Variants in ORMDL1 observed in about 807,000 individuals in gnomAD.
The protein encoded by ORMDL1 is ORM1-like protein 1.
ORMDL1 carries 10 observed loss-of-function variants against 13.0 expected under a neutral mutation model. The ratio of observed to expected loss-of-function variants is 0.77; its 90% CI spans 0.47 to 1.30. The LOEUF is 1.30. ORMDL1 is among the 50% of genes most tolerant of loss of function. The pLI, the probability that ORMDL1 is intolerant of heterozygous loss-of-function variation, is 0.00. For synonymous variants in ORMDL1, 61 were observed against 63.9 expected, an observed-to-expected ratio of 0.95 and a Z score of 0.22; for missense variants, 171 against 186.7, an observed-to-expected ratio of 0.92 and a Z score of 0.49.
intron 2 of ORMDL1, 149 bp downstream of exon 2, chr2:189,782,865 G>A (rs2047901712): frequency 3.0e-6 from 1 of 330,672 alleles, no homozygotes; most frequent in Admixed American, 4.5e-5. Flanking sequence ...CCAAAAGTTT[G>A]TTTTCTAGCA....
chr2:189,769,159 G>A (rs147893451), downstream of ORMDL1, among the ~76,000 whole-genome samples: 1,836 of 152,164 alleles, frequency 0.012, 29 homozygotes, highest in Non-Finnish European at 0.014. Flanking sequence ...AGGTTGAAGC[G>A]GGCAGATCAC....
rs745334806 is a variant in ORMDL1 at position 189,782,453 on chromosome 2, G to C, written c.143C>G (p.Ala48Gly). The C allele has an allele frequency of 6.2e-7, 1 of 1,613,910 alleles. No individual in the cohort carries two copies. The highest frequency in any genetic ancestry group is 8.5e-7 in the Non-Finnish European group (1 of 1,179,864). Residue 48 changes from alanine (A) to glycine (G), a missense_variant, in exon 3 of 5, where the codon GCT becomes GGT. Transcript: ENST00000392349. ...LSIPFFSVPV[A>G]WTLTNIIHNL... The stretch of plus-strand genomic sequence containing the variant: ...ATGTATAATATTTGTTAAAGTCCAA[G>C]CAACAGGAACACTGAAGAAGGGAAT...
At chr2:189,772,805 T>C (rs1383933225) in intron 4 of ORMDL1, among the ~76,000 whole-genome samples, 1 of 152,206 alleles carries the variant, frequency 6.6e-6, no homozygotes, top group East Asian at 1.9e-4. Flanking sequence ...AAAATAAATA[T>C]CTTGTGTAAC....
chr2:189,777,466 T>C (rs1485096916), intron 3 of ORMDL1, among the ~76,000 whole-genome samples: 1 of 152,236 alleles, frequency 6.6e-6, no homozygotes, highest in Non-Finnish European at 1.5e-5. Flanking sequence ...AATCATCCTC[T>C]CATTATTTCC....
At chr2:189,776,394 A>C (rs973208491) in intron 3 of ORMDL1, among the ~76,000 whole-genome samples, 1 of 152,158 alleles carries the variant, frequency 6.6e-6, no homozygotes, top group Non-Finnish European at 1.5e-5. Context: ...CTAAACATAT[A>C]ATTTTTTTTA....
At position 189,775,596 on chromosome 2, in the gene ORMDL1, G is replaced by A. The variant is rs746392152; in HGVS notation, c.295C>T (p.Arg99Trp). 2.1e-5 allele frequency: 33 copies of A among 1,605,980 alleles called. No individual in the cohort carries two copies. The Admixed American group carries it at 2.7e-4, about 13-fold the overall frequency. Reference protein sequence around the residue: ...LDYGVQFTSSRKFFTISPIIL... With the variant: ...LDYGVQFTSSWKFFTISPIIL... ...ATTGGAGAAATTGTGAAAAACTTCC[G>A]TGAAGATGTAAACTGTACTCCATAG... The change falls in exon 4 of 5, where the codon CGG (arginine) becomes TGG (tryptophan). Residue 99 changes from arginine (R) to tryptophan (W), a missense_variant. Transcript: ENST00000392349.
intron 2 of ORMDL1, 90 bp from the exon 3 acceptor site, chr2:189,782,692 G>T: frequency 8.0e-7 from 1 of 1,243,560 alleles, no homozygotes; most frequent in Non-Finnish European, 1.1e-6. Flanking sequence ...GTGTTGCGAG[G>T]ATTATTTTTT....
intron 4 of ORMDL1, chr2:189,775,003 T>C (rs2047661357): frequency 6.6e-6 from 1 of 152,218 alleles, no homozygotes; most frequent in Non-Finnish European, 1.5e-5. Flanking sequence ...ATCTCATTTA[T>C]TTCTTACAGC....
In ORMDL1 at chr2:189,775,713, TC is replaced by T. The variant is rs764688704; in HGVS notation, c.177del (p.Met60CysfsTer8). ...WTLTNIIHNL[G>X]MYVFLHAVKG... ...TTCACTGCATGCAAAAATACGTACATCCCCTGGAAAACAAGCAAGGGGTTAT... is the reference window on the plus strand; with the variant it reads ...TTCACTGCATGCAAAAATACGTACATCCCTGGAAAACAAGCAAGGGGTTAT... On this transcript the variant is annotated frameshift_variant and splice_region_variant, in exon 4 of 5. Coordinates refer to ENST00000392349, the MANE Select transcript of ORMDL1 (RefSeq NM_016467.5). LOFTEE classifies it high-confidence loss of function. 5.0e-5 allele frequency: 80 copies of T among 1,611,432 alleles called. No individual in the cohort carries two copies. The highest frequency in any genetic ancestry group is 2.3e-4 in the South Asian group (21 of 90,520).
intron 3 of ORMDL1, 73 bp from the exon 4 acceptor site, chr2:189,775,789 A>C: frequency 6.9e-7 from 1 of 1,456,408 alleles, no homozygotes; most frequent in Non-Finnish European, 9.3e-7. Flanking sequence ...AGCATTAACG[A>C]GGTTCCAAGC....
At chr2:189,778,039 T>C (rs1206178315) in intron 3 of ORMDL1, 2 of 361,432 alleles carry the variant, frequency 5.5e-6, no homozygotes, top group Admixed American at 7.9e-5. Flanking sequence ...TGCTTTTCTA[T>C]ACAATGTCAA....
rs983551706 is a variant in ORMDL1 at position 189,770,586 on chromosome 2, T to G, written c.*1181A>C. On this transcript the variant is annotated 3_prime_UTR_variant, in exon 5 of 5. Transcript: ENST00000392349. ...AATTTTGTCCCATATCTGAACTTTGTTTTTTTTGACATGTTTACTTCTCAA... is the reference window on the plus strand; with the variant it reads ...AATTTTGTCCCATATCTGAACTTTGGTTTTTTTGACATGTTTACTTCTCAA... 3.9e-5 allele frequency: 6 copies of G among 151,964 alleles called. No homozygotes were observed. The highest frequency in any genetic ancestry group is 1.5e-4 in the African/African-American group (6 of 41,362). 9.4% of individuals were successfully genotyped at this position (151,964 alleles called of 1,614,324 possible).
At chr2:189,778,423 A>C (rs944619655) in intron 3 of ORMDL1, 5 of 455,810 alleles carry the variant, frequency 1.1e-5, no homozygotes, top group Non-Finnish European at 2.2e-5. Flanking sequence ...TATTCGGCAA[A>C]CATTTAAATA....
chr2:189,780,073 C>T (rs1165641370), intron 3 of ORMDL1, among the ~76,000 whole-genome samples: 1 of 152,160 alleles, frequency 6.6e-6, no homozygotes, highest in Non-Finnish European at 1.5e-5. Flanking sequence ...TCGGCATATA[C>T]ATAATGAGAT....
At chr2:189,768,574 A>G (rs905192171), downstream of ORMDL1, among the ~76,000 whole-genome samples, 1 of 152,376 alleles carries the variant, frequency 6.6e-6, no homozygotes, top group African/African-American at 2.4e-5. Context: ...GGTTTAATAA[A>G]TCAATTTCAT....
chr2:189,782,631 C>T, intron 2 of ORMDL1, 29 bp from the exon 3 acceptor site: 12 of 1,587,418 alleles, frequency 7.6e-6, no homozygotes, highest in Non-Finnish European at 9.5e-6. Flanking sequence ...TGAATCAACA[C>T]TGATACAACT....
At chr2:189,782,770 A>G in intron 2 of ORMDL1, 168 bp from the exon 3 acceptor site, 1 of 543,630 alleles carries the variant, frequency 1.8e-6, no homozygotes, top group Non-Finnish European at 3.3e-6. Context: ...TGATGACAGC[A>G]GTAAAGAATC....
intron 3 of ORMDL1, among the ~76,000 whole-genome samples, chr2:189,779,167 G>A (rs1018941441): frequency 3.9e-5 from 6 of 152,186 alleles, no homozygotes; most frequent in African/African-American, 1.2e-4. Context: ...AACAGAGTGA[G>A]ACCCTGTCTC....
At chr2:189,771,925 T>A in intron 4 of ORMDL1, 23 bp from the exon 5 acceptor site, 1 of 1,494,146 alleles carries the variant, frequency 6.7e-7, no homozygotes. Flanking sequence ...AAGTTAAGAA[T>A]ATATATAACA....
Sources: allele counts gnomAD v4.1 joint callset (sites outside exome capture counted in the v4.1 genomes callset), GRCh38; gene constraint gnomAD v4.1.1; transcripts MANE v1.5; gene names NCBI Gene and HGNC (gene_info 2026-07-23, HGNC 2026-07-21).